Variants in SLC9A5 observed in about 807,000 individuals in gnomAD.
SLC9A5 encodes the protein sodium/hydrogen exchanger 5.
A neutral mutation model predicts 91.7 loss-of-function variants in SLC9A5; 52 were observed. The observed-to-expected ratio is 0.57, with a 90% CI of 0.45 to 0.71. The LOEUF is 0.71. SLC9A5 is among the 30% of genes least tolerant of loss of function. The probability of loss-of-function intolerance (pLI) is 0.00; values close to 1 mark genes in which losing one functional copy is unlikely to be tolerated. For missense variants in SLC9A5, 871 were observed against 1,158.9 expected, an observed-to-expected ratio of 0.75 and a Z score of 3.61; for synonymous variants, 419 against 474.5, an observed-to-expected ratio of 0.88 and a Z score of 1.52.
rs756179677 is a variant in SLC9A5 at position 67,257,008 on chromosome 16, T to C, written c.1230T>C (p.Ala410=). Residue 410 remains alanine (A), a synonymous_variant, in exon 7 of 16, where the codon GCT becomes GCC. Transcript: ENST00000299798. This position sits in a 1 kb window ranked among gnomAD's most constrained non-coding sequence, Gnocchi z 5.1. ...TGTCCTATGGGGGCCTGCGGGGGGC[T>C]GTGGCCTTTGCTCTCGTCATCCTAC... The part of the protein sequence containing the change: ...VVMSYGGLRG[A]VAFALVILLD... 4 of 1,614,044 alleles carry C rather than the reference T, an allele frequency of 2.5e-6. No individual in the cohort carries two copies. The highest frequency in any genetic ancestry group is 2.2e-5 in the South Asian group (2 of 91,084).
Position 67,258,314 on chromosome 16 carries a change from G to A in SLC9A5, c.1497-4G>A. ...CTCAGGGCCGGGCCTGGCATCCTCT[G>A]TAGGTGGGAGCAGTTTGACAAGAAA... On this transcript the variant is annotated splice_region_variant and splice_polypyrimidine_tract_variant and intron_variant, in intron 9 of 15. Coordinates refer to ENST00000299798, the MANE Select transcript of SLC9A5 (RefSeq NM_004594.3). The surrounding 1 kb of genome is among the most constrained non-coding windows in gnomAD (Gnocchi z 4.5). The A allele has an allele frequency of 5.6e-6, 9 of 1,613,736 alleles. No homozygotes were observed. The highest frequency in any genetic ancestry group is 7.6e-6 in the Non-Finnish European group (9 of 1,180,014).
chr16:67,264,073 CA>C (rs1214191850), intron 12 of SLC9A5, among the ~76,000 whole-genome samples: 1 of 152,160 alleles, frequency 6.6e-6, no homozygotes, highest in East Asian at 1.9e-4. Context: ...GGGTCACCTT[CA>C]AACCAGAGAG....
chr16:67,255,270 C>T lies in SLC9A5; in HGVS notation c.654+86C>T. ...GGGTCTGCGCAGACTCAGTCCCTTC[C>T]CTTGGGTCCCCTGGGGCAGAAATAT... On this transcript the variant is annotated intron_variant, in intron 3 of 15. Transcript: ENST00000299798. The surrounding 1 kb of genome is among the most constrained non-coding windows in gnomAD (Gnocchi z 4.9). 1 of 1,542,328 alleles carries T rather than the reference C, an allele frequency of 6.5e-7. No individual in the cohort carries two copies. The highest frequency in any genetic ancestry group is 8.9e-7 in the Non-Finnish European group (1 of 1,128,628).
chr16:67,262,792 G>A (rs2035573717), intron 12 of SLC9A5: 1 of 160,894 alleles, frequency 6.2e-6, no homozygotes, highest in Non-Finnish European at 1.4e-5. Flanking sequence ...AGAAGCAGTG[G>A]CAGGTGGTGC....
rs749798157 is a variant in SLC9A5 at position 67,255,877 on chromosome 16, C to T, written c.858C>T (p.Leu286=). 35 of 1,613,634 alleles carry T rather than the reference C, an allele frequency of 2.2e-5. No individual in the cohort carries two copies. The highest frequency in any genetic ancestry group is 6.7e-5 in the African/African-American group (5 of 74,944). The change falls in exon 5 of 16, where the codon CTC becomes CTT. Residue 286 remains leucine, a synonymous_variant. Coordinates refer to ENST00000299798, the MANE Select transcript of SLC9A5 (RefSeq NM_004594.3). The surrounding 1 kb of genome is among the most constrained non-coding windows in gnomAD (Gnocchi z 4.9). The part of the protein sequence containing the change: ...RIIEPLLVFL[L]AYAAYLTAEM... ...TCGAGCCGCTGCTGGTCTTCCTCCT[C>T]GCCTACGCAGCCTACCTCACTGCTG... is the stretch of plus-strand genomic sequence containing the variant.
At position 67,253,814 on chromosome 16, in the gene SLC9A5, C is replaced by T. The variant is rs537356277; in HGVS notation, c.490+970C>T. On this transcript the variant is annotated intron_variant, in intron 2 of 15. Coordinates refer to ENST00000299798, the MANE Select transcript of SLC9A5 (RefSeq NM_004594.3). ...CTAGGATTATAGGCATGAGCCACCA[C>T]GCCTGGCCCCAGGTCTGTTTTACTG... 3.9e-5 allele frequency among the ~76,000 whole-genome samples: 6 copies of T among 152,308 alleles called. No individual in the cohort carries two copies. The South Asian group carries it at 6.2e-4, about 16-fold the overall frequency.
chr16:67,267,588 C>T (rs2035763447), intron 15 of SLC9A5, among the ~76,000 whole-genome samples: 1 of 152,154 alleles, frequency 6.6e-6, no homozygotes, highest in African/African-American at 2.4e-5. Flanking sequence ...GGTGAGCAAA[C>T]CATGGGCTCT....
chr16:67,259,940 C>G lies in SLC9A5; in HGVS notation c.1836C>G (p.Arg612=). The G allele has an allele frequency of 1.2e-6, 2 of 1,613,718 alleles. No homozygotes were observed. The highest frequency in any genetic ancestry group is 8.5e-7 in the Non-Finnish European group (1 of 1,179,878). ...TCTGCGGAGGCCTCTACAAGCCGCG[C>G]CGTAGGGTGAGAGCAGGCAGGCATC... ...HLLCGGLYKP[R]RRYKASCSRH... is the part of the protein sequence containing the mutation. The change falls in exon 12 of 16, where the codon CGC becomes CGG. Residue 612 remains arginine, a synonymous_variant. Transcript: ENST00000299798.
chr16:67,269,460 C>T (rs2035848797), intron 15 of SLC9A5, among the ~76,000 whole-genome samples: 1 of 151,934 alleles, frequency 6.6e-6, no homozygotes, highest in Non-Finnish European at 1.5e-5. Context: ...AAAACCTCGC[C>T]TCATCAATTA....
At chr16:67,251,570 T>C (rs1320300776) in intron 1 of SLC9A5, among the ~76,000 whole-genome samples, 2 of 151,868 alleles carry the variant, frequency 1.3e-5, no homozygotes, top group Non-Finnish European at 2.9e-5. Flanking sequence ...CCCGCCACCA[T>C]GCCCAGCTAA....
Position 67,252,533 on chromosome 16 carries a change from G to A in SLC9A5, c.188-9G>A. The A allele has an allele frequency of 1.2e-6, 2 of 1,603,168 alleles. No homozygotes were observed. The highest frequency in any genetic ancestry group is 1.7e-6 in the Non-Finnish European group (2 of 1,175,196). On this transcript the variant is annotated splice_polypyrimidine_tract_variant and intron_variant, in intron 1 of 15. Coordinates refer to ENST00000299798, the MANE Select transcript of SLC9A5 (RefSeq NM_004594.3). This position sits in a 1 kb window ranked among gnomAD's most constrained non-coding sequence, Gnocchi z 4.0. ...AACTGATCCATCCTGCACTCTTTTT[G>A]CATTGCAGTGTTTCACCTGTCTCGG...
At chr16:67,263,793 G>GAA in intron 12 of SLC9A5, 1 of 149,102 alleles carries the variant, frequency 6.7e-6, no homozygotes, top group Non-Finnish European at 1.5e-5. Flanking sequence ...TCAAAAAAAA[G>GAA]AAAAAAAAAA....
chr16:67,259,266 CAAAAAA>C (rs542286400), intron 10 of SLC9A5, among the ~76,000 whole-genome samples: 26 of 50,612 alleles, frequency 5.1e-4, no homozygotes, highest in Non-Finnish European at 1.0e-3. Flanking sequence ...GACTGTGTCT[CAAAAAA>C]AAAAAAAAAA....
In SLC9A5 at chr16:67,258,261, G is replaced by A; in HGVS notation, c.1497-57G>A. 2 of 1,600,286 alleles carry A rather than the reference G, an allele frequency of 1.2e-6. No individual in the cohort carries two copies. Among genetic ancestry groups the A allele is most frequent in the Non-Finnish European group, 1.7e-6 (2 of 1,172,816 alleles). ...GTGTCCTTGCCCCGTCTGAGGAAGG[G>A]CCACCTGGCCAGGCCTTGGGAATGG... On this transcript the variant is annotated intron_variant, in intron 9 of 15. Transcript: ENST00000299798. The surrounding 1 kb of genome is among the most constrained non-coding windows in gnomAD (Gnocchi z 4.5).
chr16:67,265,585 A>AT (rs969882734), intron 14 of SLC9A5, among the ~76,000 whole-genome samples: 23 of 151,508 alleles, frequency 1.5e-4, no homozygotes, highest in Non-Finnish European at 2.4e-4. Flanking sequence ...CACCTGGCTA[A>AT]TTTTTTTTTG....
chr16:67,264,956 A>C, intron 13 of SLC9A5, 84 bp from the exon 14 acceptor site: 1 of 1,418,606 alleles, frequency 7.0e-7, no homozygotes. Flanking sequence ...GGTTAGGAAA[A>C]CTTGTCCTGT....
intron 2 of SLC9A5, among the ~76,000 whole-genome samples, 180 bp downstream of exon 2, chr16:67,253,024 T>C (rs948560840): frequency 3.9e-5 from 6 of 152,260 alleles, no homozygotes; most frequent in Non-Finnish European, 7.3e-5. Context: ...TCTGCCAGTC[T>C]GGGCTTCTGC....
In SLC9A5 at chr16:67,257,908, C is replaced by G. The variant is rs1484815187; in HGVS notation, c.1496+307C>G. Among the ~76,000 whole-genome samples the G allele has an allele frequency of 6.6e-6, 1 of 152,234 alleles. No individual in the cohort carries two copies. Among genetic ancestry groups the G allele is most frequent in the Non-Finnish European group, 1.5e-5 (1 of 68,034 alleles). ...ATCCTCAGGACCCACCATGCTCCCC[C>G]AGCCTGGCCACTGGGACCTTCTCTG... On this transcript the variant is annotated intron_variant, in intron 9 of 15. Transcript: ENST00000299798. This position sits in a 1 kb window ranked among gnomAD's most constrained non-coding sequence, Gnocchi z 5.1.
rs1309744370 is a variant in SLC9A5 at position 67,270,521 on chromosome 16, T to A, written c.2219-217T>A. On this transcript the variant is annotated intron_variant, in intron 15 of 15. Transcript: ENST00000299798. This position sits in a 1 kb window ranked among gnomAD's most constrained non-coding sequence, Gnocchi z 4.3. ...TTCTTTGATGAAAATAATGTTCAAT[T>A]TCTTGAGCAACTACTGTGTGCCCGG... Among the ~76,000 whole-genome samples the A allele has an allele frequency of 1.3e-5, 2 of 152,184 alleles. No homozygotes were observed. The highest frequency in any genetic ancestry group is 1.3e-4 in the Admixed American group (2 of 15,284).
Sources: allele counts gnomAD v4.1 joint callset (sites outside exome capture counted in the v4.1 genomes callset), GRCh38; gene constraint gnomAD v4.1.1; non-coding constraint Gnocchi (gnomAD v3.1); transcripts MANE v1.5; gene names NCBI Gene and HGNC (gene_info 2026-07-23, HGNC 2026-07-21).